The following SGSM3 variants were observed in gnomAD, a reference collection of about 807,000 sequenced individuals.
SGSM3 encodes the protein small G protein signaling modulator 3, also known as RUN and SH3 containing 3.
In SGSM3, 96 loss-of-function variants were observed where a neutral mutation model predicts 100.5. The ratio of observed to expected loss-of-function variants is 0.96; its 90% confidence interval spans 0.81 to 1.13. The LOEUF is 1.13. SGSM3 is among the 50% of genes most tolerant of loss of function. The pLI, the probability that SGSM3 is intolerant of heterozygous loss-of-function variation, is 0.00. For missense variants in SGSM3, 1,001 were observed against 1,015.8 expected, an observed-to-expected ratio of 0.99 and a Z score of 0.20; for synonymous variants, 483 against 422.8, an observed-to-expected ratio of 1.14 and a Z score of -1.75.
At chr22:40,393,495 C>T (rs1156866922) in intron 1 of SGSM3, among the ~76,000 whole-genome samples, 1 of 152,216 alleles carries the variant, frequency 6.6e-6, no homozygotes. Context: ...CCTTCTTCAA[C>T]CCACTCCAGT....
At chr22:40,393,896 G>A (rs1233015687) in intron 1 of SGSM3, among the ~76,000 whole-genome samples, 2 of 152,088 alleles carry the variant, frequency 1.3e-5, no homozygotes, top group Non-Finnish European at 2.9e-5. Flanking sequence ...TATCACATTG[G>A]CAACACCTGA....
At chr22:40,387,354 A>C in intron 1 of SGSM3, 1 of 395,124 alleles carries the variant, frequency 2.5e-6, no homozygotes. Context: ...TCTGCAAATG[A>C]AACATTTCCG....
intron 2 of SGSM3, among the ~76,000 whole-genome samples, chr22:40,401,077 G>A (rs1041120846): frequency 1.3e-5 from 2 of 152,272 alleles, no homozygotes; most frequent in South Asian, 4.1e-4. Context: ...GTCATGTTTT[G>A]TAATGTGCTG....
intron 1 of SGSM3, among the ~76,000 whole-genome samples, chr22:40,397,713 A>G (rs572573608): frequency 6.6e-6 from 1 of 152,112 alleles, no homozygotes; most frequent in Non-Finnish European, 1.5e-5. Context: ...GCTGCCTTGC[A>G]GCTGTTTCAG....
At chr22:40,375,041 T>C (rs1186877808) in intron 1 of SGSM3, among the ~76,000 whole-genome samples, 1 of 152,232 alleles carries the variant, frequency 6.6e-6, no homozygotes, top group Non-Finnish European at 1.5e-5. Flanking sequence ...GGCTTACTAA[T>C]TTATGCTCAC....
In SGSM3 at chr22:40,407,217, G is replaced by A. The variant is rs1386853518; in HGVS notation, c.1257G>A (p.Glu419=). 1.2e-6 allele frequency: 2 copies of A among 1,613,542 alleles called. No individual in the cohort carries two copies. The highest frequency in any genetic ancestry group is 4.5e-5 in the East Asian group (2 of 44,890). ...GCCTCCTAGGGGAGGATGACCTGGA[G>A]GCACTCAAGGCCAAGAACATCAAGC... ...TALLFGEDDL[E]ALKAKNIKQT... The change falls in exon 12 of 22, where the codon GAG becomes GAA. Residue 419 remains glutamate, a synonymous_variant. Transcript: ENST00000248929. This position sits in a 1 kb window ranked among gnomAD's most constrained non-coding sequence, Gnocchi z 4.7.
chr22:40,395,774 C>T (rs1314134213), intron 1 of SGSM3, among the ~76,000 whole-genome samples: 1 of 152,194 alleles, frequency 6.6e-6, no homozygotes. Flanking sequence ...TCTCATTCCC[C>T]ACATCCAACT....
intron 1 of SGSM3, among the ~76,000 whole-genome samples, chr22:40,383,863 T>A (rs1278619081): frequency 6.6e-6 from 1 of 152,152 alleles, no homozygotes; most frequent in East Asian, 1.9e-4. Flanking sequence ...AGGGAGGGTC[T>A]GGATTAAGGC....
At chr22:40,373,544 G>A (rs1244338896) in intron 1 of SGSM3, 2 of 152,208 alleles carry the variant, frequency 1.3e-5, no homozygotes, top group African/African-American at 4.8e-5. Context: ...AGGTAGTTTA[G>A]AGATTAATGA....
intron 1 of SGSM3, among the ~76,000 whole-genome samples, chr22:40,388,847 G>C (rs544793094): frequency 6.6e-6 from 1 of 152,166 alleles, no homozygotes; most frequent in South Asian, 2.1e-4. Context: ...CCCAAGTCCT[G>C]CCTGGAGAGA....
chr22:40,407,781 C>T lies in SGSM3; in HGVS notation c.1525-8C>T. The T allele has an allele frequency of 6.2e-7, 1 of 1,614,080 alleles. No individual in the cohort carries two copies. Reference sequence around the variant, plus strand: ...GCTTTGGTTCCTGCTGTTTTTCCTCCTGTGCAGATCGTGTCTCAGAAGGAC... The same window carrying T: ...GCTTTGGTTCCTGCTGTTTTTCCTCTTGTGCAGATCGTGTCTCAGAAGGAC... On this transcript the variant is annotated splice_region_variant and splice_polypyrimidine_tract_variant and intron_variant, in intron 13 of 21. Transcript: ENST00000248929. The surrounding 1 kb of genome is among the most constrained non-coding windows in gnomAD (Gnocchi z 4.7).
At chr22:40,405,110 G>A (rs770398794) in intron 6 of SGSM3, 31 bp from the exon 7 acceptor site, 10 of 1,482,522 alleles carry the variant, frequency 6.7e-6, no homozygotes, top group Non-Finnish European at 8.1e-6. Context: ...ACAAGGTCTT[G>A]TTATTGTGGG....
rs961438187 is a variant in SGSM3 at position 40,410,095 on chromosome 22, C to CTG, written c.*338_*339dup. 1.1e-5 allele frequency: 13 copies of CTG among 1,199,484 alleles called. No homozygotes were observed. The Admixed American group carries it at 2.7e-4, about 25-fold the overall frequency. The allele number at this position is 1,199,484 out of a possible 1,614,324, so 74.3% of individuals were successfully genotyped here. On this transcript the variant is annotated 3_prime_UTR_variant, in exon 22 of 22. Coordinates refer to ENST00000248929, the MANE Select transcript of SGSM3 (RefSeq NM_015705.6). ...TCTTTGGTTTATAAATAAACTGTGT[C>CTG]TGTCTTTGAGAAAGCACCTACCTGT...
intron 19 of SGSM3, 103 bp downstream of exon 19, chr22:40,409,121 G>A: frequency 6.4e-7 from 1 of 1,555,310 alleles, no homozygotes; most frequent in Non-Finnish European, 8.7e-7. Flanking sequence ...AAGAACCTCA[G>A]GGGCTCAGGT....
At chr22:40,373,673 TG>T (rs960243005) in intron 1 of SGSM3, 9 of 152,372 alleles carry the variant, frequency 5.9e-5, no homozygotes, top group Non-Finnish European at 1.3e-4. Context: ...TAGAGTGCAG[TG>T]GGGCAATCTC....
intron 15 of SGSM3, 26 bp from the exon 16 acceptor site, chr22:40,408,250 CT>C (rs1346918100): frequency 6.2e-7 from 1 of 1,611,184 alleles, no homozygotes. Context: ...TCAGGCAGGG[CT>C]TTCTCAGACC....
rs2051552447 is a variant in SGSM3, at chr22:40,406,540, A to G, written c.1063A>G (p.Met355Val). ...EDAELLLGVA[M>V]RLAGSLTDVA... Reference sequence around the variant, plus strand: ...CGCGGAGCTGCTTCTGGGGGTGGCCATGCGGCTGGCCGGCTCCCTCACCGA... The same window carrying G: ...CGCGGAGCTGCTTCTGGGGGTGGCCGTGCGGCTGGCCGGCTCCCTCACCGA... Residue 355 changes from methionine to valine, a missense_variant, in exon 10 of 22, where the codon ATG (methionine) becomes GTG (valine). Met to Val is a conservative substitution (Grantham distance 21, BLOSUM62 1). Transcript: ENST00000248929. 6.2e-7 allele frequency: 1 copy of G among 1,613,034 alleles called. No individual in the cohort carries two copies. The highest frequency in any genetic ancestry group is 8.5e-7 in the Non-Finnish European group (1 of 1,179,908).
intron 1 of SGSM3, among the ~76,000 whole-genome samples, chr22:40,386,385 G>A (rs1030270669): frequency 3.9e-5 from 6 of 152,004 alleles, no homozygotes; most frequent in South Asian, 2.1e-4. Flanking sequence ...ACCTCGTGAC[G>A]TATCTTCTGG....
At chr22:40,381,293 G>A (rs1315687208) in intron 1 of SGSM3, among the ~76,000 whole-genome samples, 2 of 151,990 alleles carry the variant, frequency 1.3e-5, no homozygotes, top group African/African-American at 2.4e-5. Context: ...GACTACAGGT[G>A]TGCACCACCA....
Sources: gnomAD v4.1 joint callset for allele counts (sites outside exome capture counted in the v4.1 genomes callset) on GRCh38, gnomAD v4.1.1 for gene constraint, Gnocchi (gnomAD v3.1) non-coding constraint, MANE v1.5 for transcripts, NCBI Gene and HGNC (gene_info 2026-07-23, HGNC 2026-07-21) for gene names.